SPATS2L: variants seen among roughly 807,000 people sequenced by gnomAD.
SPATS2L encodes SPATS2-like protein.
In SPATS2L, 30 loss-of-function variants were observed where a neutral mutation model predicts 59.6. The observed-to-expected ratio is 0.50, with a 90% CI of 0.38 to 0.68. The LOEUF is 0.68. Among genes scored for constraint, SPATS2L ranks in the 30% least tolerant of loss-of-function variants. The probability of loss-of-function intolerance (pLI) is 0.00; values close to 1 mark genes in which losing one functional copy is unlikely to be tolerated. For missense variants in SPATS2L, 615 were observed against 700.0 expected, an observed-to-expected ratio of 0.88 and a Z score of 1.37; for synonymous variants, 252 against 263.5, an observed-to-expected ratio of 0.96 and a Z score of 0.42.
chr2:200,308,784 T>C (rs1226061457), intron 1 of SPATS2L: 1 of 419,712 alleles, frequency 2.4e-6, no homozygotes, highest in African/African-American at 2.0e-5. Flanking sequence ...CTTTCTTTAA[T>C]CCCTGAAAAT....
intron 8 of SPATS2L, among the ~76,000 whole-genome samples, chr2:200,445,719 T>C (rs564204562): frequency 1.3e-5 from 2 of 152,254 alleles, no homozygotes. Flanking sequence ...AGTAAGACCA[T>C]CACTTTTGCA....
intron 1 of SPATS2L, among the ~76,000 whole-genome samples, chr2:200,322,404 A>G (rs556578877): frequency 6.6e-6 from 1 of 152,334 alleles, no homozygotes; most frequent in Non-Finnish European, 1.5e-5. Flanking sequence ...ATGTTTCATT[A>G]CTTGTATATC....
chr2:200,438,628 A>G (rs17630736), intron 6 of SPATS2L, among the ~76,000 whole-genome samples: 1 of 152,088 alleles, frequency 6.6e-6, no homozygotes, highest in African/African-American at 2.4e-5. Context: ...TTGTCACTTC[A>G]TTTTTGCTCT....
intron 3 of SPATS2L, among the ~76,000 whole-genome samples, chr2:200,400,893 T>C (rs2082504154): frequency 1.3e-5 from 2 of 152,240 alleles, no homozygotes; most frequent in South Asian, 4.1e-4. Flanking sequence ...GTTGTTGATT[T>C]CATTATCTTT....
intron 2 of SPATS2L, among the ~76,000 whole-genome samples, chr2:200,388,047 T>C (rs2082046757): frequency 6.6e-6 from 1 of 152,136 alleles, no homozygotes; most frequent in South Asian, 2.1e-4. Flanking sequence ...ACAGAAGGAT[T>C]ATGGGCAGTT....
intron 11 of SPATS2L, among the ~76,000 whole-genome samples, chr2:200,470,636 T>C (rs981878003): frequency 1.3e-5 from 2 of 152,168 alleles, no homozygotes; most frequent in African/African-American, 4.8e-5. Flanking sequence ...TGAAGCGGCT[T>C]TAAGGACGGC....
intron 12 of SPATS2L, among the ~76,000 whole-genome samples, chr2:200,474,320 T>C (rs2087325775): frequency 6.6e-6 from 1 of 152,150 alleles, no homozygotes; most frequent in African/African-American, 2.4e-5. Context: ...ACTTGTAGTC[T>C]AAATATATCT....
chr2:200,463,076 C>G (rs1357179391), intron 9 of SPATS2L, among the ~76,000 whole-genome samples: 1 of 152,086 alleles, frequency 6.6e-6, no homozygotes, highest in Non-Finnish European at 1.5e-5. Context: ...TAAATTACCC[C>G]AACCCGCTCA....
At chr2:200,420,575 G>A (rs2083268819) in intron 6 of SPATS2L, among the ~76,000 whole-genome samples, 1 of 152,144 alleles carries the variant, frequency 6.6e-6, no homozygotes, top group African/African-American at 2.4e-5. Flanking sequence ...GTCCAATTTA[G>A]GGTAATGGGT....
chr2:200,371,323 A>G lies in SPATS2L; in HGVS notation c.-22-17900A>G, dbSNP rs116454273. 4.3e-3 allele frequency among the ~76,000 whole-genome samples: 657 copies of G among 152,314 alleles called. 2 individuals carry two copies. Among genetic ancestry groups the G allele is most frequent in the African/African-American group, 0.015 (622 of 41,578 alleles). ...AACAAGTCTGTACTAGGATAGAGGA[A>G]AGCATACGTAAGATGAATCTGAGAA... On this transcript the variant is annotated intron_variant, in intron 2 of 12. Coordinates refer to ENST00000409140, the MANE Select transcript of SPATS2L (RefSeq NM_001100423.2).
intron 2 of SPATS2L, chr2:200,371,981 G>A: frequency 1.0e-6 from 1 of 973,564 alleles, no homozygotes; most frequent in Non-Finnish European, 1.2e-6. Flanking sequence ...CTGCCTGCAG[G>A]AAGAAAGGCT....
At chr2:200,396,451 G>T (rs2105944251) in intron 3 of SPATS2L, among the ~76,000 whole-genome samples, 1 of 152,232 alleles carries the variant, frequency 6.6e-6, no homozygotes, top group Non-Finnish European at 1.5e-5. Flanking sequence ...GTGTGTCGTG[G>T]TGTCTGTCCC....
At chr2:200,367,055 C>G (rs1159185920) in intron 2 of SPATS2L, among the ~76,000 whole-genome samples, 2 of 152,170 alleles carry the variant, frequency 1.3e-5, no homozygotes, top group Non-Finnish European at 2.9e-5. Flanking sequence ...CTTAACCTTA[C>G]TGCAAAGTCG....
chr2:200,319,708 G>A (rs182195847), intron 1 of SPATS2L, among the ~76,000 whole-genome samples: 147 of 152,172 alleles, frequency 9.7e-4, no homozygotes, highest in Non-Finnish European at 1.6e-3. Context: ...TATTGTGTGG[G>A]CCTCACATGT....
rs2105729835 is a variant in SPATS2L at position 200,306,737 on chromosome 2, C to T, written c.-258C>T. 1.0e-6 allele frequency: 1 copy of T among 953,792 alleles called. No individual in the cohort carries two copies. The highest frequency in any genetic ancestry group is 5.1e-5 in the South Asian group (1 of 19,478). The allele number at this position is 953,792 out of a possible 1,614,324, so 59.1% of individuals were successfully genotyped here. On this transcript the variant is annotated 5_prime_UTR_variant, in exon 1 of 13. Coordinates refer to ENST00000409140, the MANE Select transcript of SPATS2L (RefSeq NM_001100423.2). ...TCCAGTCCGGGGGCCGAGCTGGCTG[C>T]GCCCTCCGCTGCAAGCGCCGGCAGC... is the stretch of plus-strand genomic sequence containing the variant.
rs200807337 is a variant in SPATS2L, at chr2:200,421,053, G to GT, written c.445+1561dup. Among the ~76,000 whole-genome samples the GT allele has an allele frequency of 6.2e-4, 95 of 152,234 alleles. No individual in the cohort carries two copies. The East Asian group carries it at 0.017, about 28-fold the overall frequency. ...ATCATGAGTTTGTAGAATCAGTGGCGTTTTAAACTCCCGTTATATTCAGAG... is the reference window on the plus strand; with the variant it reads ...ATCATGAGTTTGTAGAATCAGTGGCGTTTTTAAACTCCCGTTATATTCAGAG... On this transcript the variant is annotated intron_variant, in intron 6 of 12. Coordinates refer to ENST00000409140, the MANE Select transcript of SPATS2L (RefSeq NM_001100423.2).
intron 2 of SPATS2L, among the ~76,000 whole-genome samples, chr2:200,367,934 A>G (rs1028567906): frequency 2.0e-5 from 3 of 152,220 alleles, no homozygotes; most frequent in Non-Finnish European, 4.4e-5. Flanking sequence ...TTTTTAAATT[A>G]CTATACTTAA....
At chr2:200,451,316 G>A (rs2085428156) in intron 8 of SPATS2L, among the ~76,000 whole-genome samples, 1 of 152,000 alleles carries the variant, frequency 6.6e-6, no homozygotes, top group Admixed American at 6.5e-5. Flanking sequence ...AACAGAGCCA[G>A]ACCCTGTCTC....
intron 3 of SPATS2L, among the ~76,000 whole-genome samples, chr2:200,396,722 G>C (rs2082366931): frequency 6.6e-6 from 1 of 152,176 alleles, no homozygotes; most frequent in East Asian, 1.9e-4. Context: ...TTAATGCTAA[G>C]TAGTTGTTTT....
Sources: gnomAD v4.1 joint callset for allele counts (sites outside exome capture counted in the v4.1 genomes callset) on GRCh38, gnomAD v4.1.1 for gene constraint, MANE v1.5 for transcripts, NCBI Gene and HGNC (gene_info 2026-07-23, HGNC 2026-07-21) for gene names.